Variants in ANKRD17 observed in about 807,000 individuals in gnomAD.
ANKRD17 encodes ankyrin repeat domain 17.
A neutral mutation model predicts 229.7 loss-of-function variants in ANKRD17; 19 were observed. That is an observed-to-expected ratio of 0.08 (90% CI 0.06 to 0.12). The LOEUF is 0.12. Among genes scored for constraint, ANKRD17 ranks in the 10% least tolerant of loss-of-function variants. The probability of loss-of-function intolerance (pLI) is 1.00; values close to 1 mark genes in which losing one functional copy is unlikely to be tolerated. For missense variants in ANKRD17, 2,176 were observed against 3,176.8 expected (o/e 0.68, Z 7.57); for synonymous variants, 1,112 against 1,146.1 (o/e 0.97, Z 0.60).
At chr4:73,235,174 T>C (rs1743390290) in intron 1 of ANKRD17, among the ~76,000 whole-genome samples, 1 of 152,188 alleles carries the variant, frequency 6.6e-6, no homozygotes, top group African/African-American at 2.4e-5. Context: ...TTATGGGGAA[T>C]GTATTCATGT....
At chr4:73,162,632 A>G (rs1732681543) in intron 2 of ANKRD17, among the ~76,000 whole-genome samples, 1 of 152,132 alleles carries the variant, frequency 6.6e-6, no homozygotes. Context: ...TATACTTAAA[A>G]TCATCTGAAA....
At chr4:73,167,119 T>C (rs530447808) in intron 2 of ANKRD17, among the ~76,000 whole-genome samples, 7 of 152,312 alleles carry the variant, frequency 4.6e-5, no homozygotes, top group African/African-American at 9.6e-5. Context: ...TAGGTGGCAA[T>C]GTCAGCAAGG....
At chr4:73,149,085 A>C in intron 7 of ANKRD17, 35 bp from the exon 8 acceptor site, 1 of 1,567,228 alleles carries the variant, frequency 6.4e-7, no homozygotes, top group Non-Finnish European at 8.7e-7. Context: ...TTAAATCAGC[A>C]CCATTAAAAA....
chr4:73,166,841 T>C (rs183257405), intron 2 of ANKRD17, among the ~76,000 whole-genome samples: 1 of 152,250 alleles, frequency 6.6e-6, no homozygotes, highest in Non-Finnish European at 1.5e-5. Flanking sequence ...ATAGTATGTG[T>C]ATATATTTAA....
At position 73,117,229 on chromosome 4, in the gene ANKRD17, T is replaced by C. The variant is rs78968420; in HGVS notation, c.4189-1313A>G. ...AACTTTGGAAAAATGAAGAAAGACATGGGCATTCTATGAGATGAGAACAAA... is the reference window on the plus strand; with the variant it reads ...AACTTTGGAAAAATGAAGAAAGACACGGGCATTCTATGAGATGAGAACAAA... On this transcript the variant is annotated intron_variant, in intron 22 of 33. Transcript: ENST00000358602. Among the ~76,000 whole-genome samples the C allele has an allele frequency of 4.8e-4, 73 of 152,176 alleles. 1 individual carries two copies. In the East Asian group the frequency reaches 0.014, roughly 29 times the overall value.
chr4:73,153,827 A>G, intron 6 of ANKRD17, 53 bp downstream of exon 6: 1 of 1,192,852 alleles, frequency 8.4e-7, no homozygotes. Context: ...ACATAAAATA[A>G]TTATAATTTC....
rs1228552740 is a variant in ANKRD17, at chr4:73,179,484, GTGTGTATATATATA to G, written c.394-1965_394-1952del. 9.1e-5 allele frequency among the ~76,000 whole-genome samples: 6 copies of G among 65,704 alleles called. 1 individual carries two copies. Among genetic ancestry groups the G allele is most frequent in the Admixed American group, 2.1e-4 (1 of 4,876 alleles). 43.1% of individuals were successfully genotyped at this position (65,704 alleles called of 152,430 possible). The stretch of plus-strand genomic sequence containing the variant: ...TGTATATATGTGTGTGTGTGTGTGT[GTGTGTATATATATA>G]TATATATATATATATATATATTTTT... On this transcript the variant is annotated intron_variant, in intron 1 of 33. Coordinates refer to ENST00000358602, the MANE Select transcript of ANKRD17 (RefSeq NM_032217.5).
At chr4:73,196,533 T>C (rs745885517) in intron 1 of ANKRD17, among the ~76,000 whole-genome samples, 5 of 152,210 alleles carry the variant, frequency 3.3e-5, no homozygotes, top group Non-Finnish European at 7.3e-5. Flanking sequence ...TATATACATA[T>C]ATACGTTTAT....
chr4:73,092,388 A>T, intron 28 of ANKRD17, 88 bp from the exon 29 acceptor site: 1 of 1,053,300 alleles, frequency 9.5e-7, no homozygotes, highest in Non-Finnish European at 1.4e-6. Context: ...GTACACAAAC[A>T]CACACACAGT....
chr4:73,234,836 G>A lies in ANKRD17; in HGVS notation c.393+23440C>T, dbSNP rs991595097. 5.7e-4 allele frequency among the ~76,000 whole-genome samples: 87 copies of A among 152,124 alleles called. 3 individuals carry two copies. Among genetic ancestry groups the A allele is most frequent in the Non-Finnish European group, 5.9e-5 (4 of 68,020 alleles). On this transcript the variant is annotated intron_variant, in intron 1 of 33. Coordinates refer to ENST00000358602, the MANE Select transcript of ANKRD17 (RefSeq NM_032217.5). Reference sequence around the variant, plus strand: ...GTTTAGGCTGGAGAAAGGGTAGGAGGGAAGCCCAACTGACCTAGCACTGTG... The same window carrying A: ...GTTTAGGCTGGAGAAAGGGTAGGAGAGAAGCCCAACTGACCTAGCACTGTG...
At chr4:73,226,399 T>TG (rs1742510762) in intron 1 of ANKRD17, among the ~76,000 whole-genome samples, 2 of 138,910 alleles carry the variant, frequency 1.4e-5, no homozygotes, top group African/African-American at 2.7e-5. Flanking sequence ...GTTTTTTTTT[T>TG]TTTTTTTTTT....
chr4:73,122,777 T>G (rs1056365881), intron 18 of ANKRD17, among the ~76,000 whole-genome samples: 66 of 152,156 alleles, frequency 4.3e-4, no homozygotes, highest in African/African-American at 1.5e-3. Context: ...TCAGAGCGAG[T>G]GACAAGGTTA....
chr4:73,119,780 C>A (rs779515354), intron 21 of ANKRD17, among the ~76,000 whole-genome samples: 1 of 152,172 alleles, frequency 6.6e-6, no homozygotes, highest in African/African-American at 2.4e-5. Flanking sequence ...CATAACCACA[C>A]CTAAAAGCCT....
chr4:73,196,233 C>T (rs554532344), intron 1 of ANKRD17, among the ~76,000 whole-genome samples: 1 of 151,686 alleles, frequency 6.6e-6, no homozygotes, highest in African/African-American at 2.4e-5. Flanking sequence ...CCTGACCTCA[C>T]GTGACCTGCC....
In ANKRD17 at chr4:73,140,168, T is replaced by C. The variant is rs1200192241; in HGVS notation, c.2448A>G (p.Thr816=). The part of the protein sequence containing the change: ...SIVEEAQGKL[T]ELEQRIKEAI... The stretch of plus-strand genomic sequence containing the variant: ...CTTCTTTTATCCTCTGTTCCAGTTC[T>C]GTTAACTTTCCCTGAGCCTCTTCTA... Residue 816 remains threonine, a synonymous_variant, in exon 15 of 34, where the codon ACA becomes ACG. Transcript: ENST00000358602. 6.2e-7 allele frequency: 1 copy of C among 1,614,218 alleles called. No homozygotes were observed. The highest frequency in any genetic ancestry group is 1.1e-5 in the South Asian group (1 of 91,084).
chr4:73,177,208 C>A (rs1312070593), intron 2 of ANKRD17, among the ~76,000 whole-genome samples, 172 bp downstream of exon 2: 1 of 152,176 alleles, frequency 6.6e-6, no homozygotes, highest in Non-Finnish European at 1.5e-5. Context: ...ATGAAAATTA[C>A]AATATGCTTT....
At chr4:73,249,228 T>A (rs1172264069) in intron 1 of ANKRD17, among the ~76,000 whole-genome samples, 2 of 152,238 alleles carry the variant, frequency 1.3e-5, no homozygotes, top group Non-Finnish European at 2.9e-5. Context: ...GAAATAACTT[T>A]AGAGCAGGTT....
chr4:73,141,705 A>G, intron 14 of ANKRD17, 36 bp downstream of exon 14: 1 of 1,559,896 alleles, frequency 6.4e-7, no homozygotes, highest in Non-Finnish European at 8.8e-7. Context: ...TTACCTGGAC[A>G]CCAAGTAAGA....
At chr4:73,118,885 T>TTC (rs1726336973) in intron 21 of ANKRD17, 35 bp from the exon 22 acceptor site, 4 of 1,431,464 alleles carry the variant, frequency 2.8e-6, no homozygotes, top group Admixed American at 2.2e-5. Context: ...ATTGTCTTTT[T>TTC]TTTTTTTTTT....
Sources: gnomAD v4.1 joint callset for allele counts (sites outside exome capture counted in the v4.1 genomes callset) on GRCh38, gnomAD v4.1.1 for gene constraint, MANE v1.5 for transcripts, NCBI Gene and HGNC (gene_info 2026-07-23, HGNC 2026-07-21) for gene names.